The following HSD17B12 variants were observed in gnomAD, a reference collection of about 807,000 sequenced individuals.
HSD17B12 encodes the protein very-long-chain 3-oxoacyl-CoA reductase.
In HSD17B12, 32 loss-of-function variants were observed where a neutral mutation model predicts 39.3. The ratio of observed to expected loss-of-function variants is 0.81; its 90% CI spans 0.61 to 1.09. HSD17B12 has a LOEUF of 1.09. Among genes scored for constraint, HSD17B12 ranks in the 50% least tolerant of loss-of-function variants. The pLI, the probability that HSD17B12 is intolerant of heterozygous loss-of-function variation, is 0.00. For synonymous variants in HSD17B12, 150 were observed against 146.7 expected (o/e 1.02, Z -0.16); for missense variants, 342 against 382.9 (o/e 0.89, Z 0.89).
At chr11:43,771,892 G>A (rs1429411503) in intron 3 of HSD17B12, among the ~76,000 whole-genome samples, 1 of 152,064 alleles carries the variant, frequency 6.6e-6, no homozygotes, top group Admixed American at 6.6e-5. Context: ...CTCAGAATTT[G>A]CACCTTTGTT....
At chr11:43,810,367 T>TTATATA (rs59970877) in intron 4 of HSD17B12, among the ~76,000 whole-genome samples, 4,014 of 58,258 alleles carry the variant, frequency 0.069, 108 homozygotes, top group Admixed American at 0.11. Context: ...AATTTAGAAA[T>TTATATA]TATATATATA....
chr11:43,806,303 A>T (rs1439686245), intron 4 of HSD17B12: 1 of 152,098 alleles, frequency 6.6e-6, no homozygotes, highest in Non-Finnish European at 1.5e-5. Flanking sequence ...CTGGTGTCCA[A>T]CCCCATCCTG....
At chr11:43,787,417 T>C (rs1950825421) in intron 3 of HSD17B12, among the ~76,000 whole-genome samples, 1 of 152,134 alleles carries the variant, frequency 6.6e-6, no homozygotes, top group South Asian at 2.1e-4. Flanking sequence ...TGTTGAACTA[T>C]CTTGATCTAA....
At chr11:43,660,558 G>T in the HSD17B12 span, among the ~76,000 whole-genome samples, 1 of 152,156 alleles carries the variant, frequency 6.6e-6, no homozygotes, top group South Asian at 2.1e-4. Context: ...ACAATACTAA[G>T]TGGTGTTGAA....
intron 3 of HSD17B12, among the ~76,000 whole-genome samples, chr11:43,796,899 C>T (rs959233309): frequency 6.6e-6 from 1 of 151,430 alleles, no homozygotes; most frequent in African/African-American, 2.4e-5. Context: ...TCTTTATTTA[C>T]TGGTGATAAA....
chr11:43,738,121 C>T (rs540482093), intron 1 of HSD17B12, among the ~76,000 whole-genome samples: 1 of 92,112 alleles, frequency 1.1e-5, no homozygotes, highest in Non-Finnish European at 2.5e-5. Context: ...TTTGGTAAAG[C>T]ATGTTTTGGT....
At chr11:43,646,648 ATACT>A in the HSD17B12 span, among the ~76,000 whole-genome samples, 519 of 152,344 alleles carry the variant, frequency 3.4e-3, 3 homozygotes, top group East Asian at 0.031. Context: ...GGAAAGGTAC[ATACT>A]TTGTTAAGTT....
intron 1 of HSD17B12, chr11:43,718,912 T>G: frequency 9.9e-7 from 1 of 1,012,146 alleles, no homozygotes. Context: ...TCATCAAGTT[T>G]CCATTGACCA....
chr11:43,570,939 A>G, the HSD17B12 span, among the ~76,000 whole-genome samples: 4 of 152,358 alleles, frequency 2.6e-5, no homozygotes, highest in South Asian at 8.3e-4. Context: ...TAGCCTCTCC[A>G]ATAAGTACAA....
chr11:43,717,126 A>G (rs1950131056), intron 1 of HSD17B12, among the ~76,000 whole-genome samples: 1 of 152,182 alleles, frequency 6.6e-6, no homozygotes. Context: ...TTTGGCAAAC[A>G]CTAACTTACA....
At chr11:43,681,345 T>A in intron 1 of HSD17B12, 1 of 210,032 alleles carries the variant, frequency 4.8e-6, no homozygotes, top group Non-Finnish European at 9.4e-6. Flanking sequence ...CTGTCCTCCT[T>A]GGTTCGCCCC....
intron 4 of HSD17B12, 107 bp from the exon 5 acceptor site, chr11:43,815,330 A>G: frequency 3.9e-6 from 2 of 509,628 alleles, no homozygotes; most frequent in Non-Finnish European, 6.8e-6. Flanking sequence ...ACAGCATTTT[A>G]TATAATTATA....
At chr11:43,728,117 G>A (rs1950237519) in intron 1 of HSD17B12, among the ~76,000 whole-genome samples, 1 of 151,920 alleles carries the variant, frequency 6.6e-6, no homozygotes, top group African/African-American at 2.4e-5. Flanking sequence ...TCAGGCTGGA[G>A]TGCAGTGGCA....
intron 1 of HSD17B12, among the ~76,000 whole-genome samples, chr11:43,701,436 A>G (rs1949963611): frequency 6.6e-6 from 1 of 152,076 alleles, no homozygotes; most frequent in African/African-American, 2.4e-5. Context: ...GATTTTCTCT[A>G]ATGTTTTCTT....
chr11:43,697,330 A>C (rs1368066828), intron 1 of HSD17B12, among the ~76,000 whole-genome samples: 1 of 152,182 alleles, frequency 6.6e-6, no homozygotes, highest in African/African-American at 2.4e-5. Flanking sequence ...TTCTGGAAGA[A>C]GCAACATTTA....
the HSD17B12 span, among the ~76,000 whole-genome samples, chr11:43,626,625 T>C: frequency 6.6e-6 from 1 of 151,922 alleles, no homozygotes; most frequent in Non-Finnish European, 1.5e-5. Flanking sequence ...CTGAGACTTA[T>C]AGTACCTTAA....
intron 1 of HSD17B12, among the ~76,000 whole-genome samples, chr11:43,706,629 G>T (rs1418834837): frequency 2.6e-5 from 4 of 151,034 alleles, no homozygotes; most frequent in Non-Finnish European, 5.9e-5. Context: ...TTGGTTGGGG[G>T]TATCCTTTCT....
the HSD17B12 span, among the ~76,000 whole-genome samples, chr11:43,592,291 T>C: frequency 1.3e-5 from 2 of 152,118 alleles, no homozygotes; most frequent in Admixed American, 1.3e-4. Flanking sequence ...GGCAAAATTT[T>C]GTGTGTGTGT....
rs1281502164 is a variant in HSD17B12, at chr11:43,831,136, A to G, written c.536+126A>G. On this transcript the variant is annotated intron_variant, in intron 7 of 10. Transcript: ENST00000278353. The surrounding 1 kb of genome is among the most constrained non-coding windows in gnomAD (Gnocchi z 4.1). ...CCAAGCCTCCATGTCTTAGCCACAG[A>G]GTGATGTACCAGGCGAGTCACAGTA... is the stretch of plus-strand genomic sequence containing the variant. The G allele has an allele frequency of 1.2e-6, 1 of 807,406 alleles. No homozygotes were observed. Among genetic ancestry groups the G allele is most frequent in the African/African-American group, 1.8e-5 (1 of 56,834 alleles). 50.0% of individuals were successfully genotyped at this position (807,406 alleles called of 1,614,324 possible). A position where few individuals can be genotyped will look rare whatever the true frequency, so the allele number is the denominator to read the frequency against.
Sources: allele counts gnomAD v4.1 joint callset (sites outside exome capture counted in the v4.1 genomes callset), GRCh38; gene constraint gnomAD v4.1.1; non-coding constraint Gnocchi (gnomAD v3.1); transcripts MANE v1.5; gene names NCBI Gene and HGNC (gene_info 2026-07-23, HGNC 2026-07-21).